KCNG2: variants seen among roughly 807,000 people sequenced by gnomAD.
KCNG2 encodes the protein voltage-gated potassium channel regulatory subunit KCNG2.
Under a neutral mutation model 12.3 loss-of-function variants are expected in KCNG2, and 7 were observed. The observed-to-expected ratio is 0.57, with a 90% CI of 0.32 to 1.07. The LOEUF is 1.07. Among genes scored for constraint, KCNG2 ranks in the 50% least tolerant of loss-of-function variants. The pLI, the probability that KCNG2 is intolerant of heterozygous loss-of-function variation, is 0.04. For missense variants in KCNG2, 703 were observed against 726.0 expected (o/e 0.97, Z 0.36); for synonymous variants, 414 against 351.4 (o/e 1.18, Z -1.99).
chr18:79,873,433 C>CCCCCCCCCCCCCCCCA (rs1979938155), intron 3 of KCNG2, among the ~76,000 whole-genome samples: 1 of 144,728 alleles, frequency 6.9e-6, no homozygotes, highest in Non-Finnish European at 1.5e-5. Flanking sequence ...CCCTCCCCCC[C>CCCCCCCCCCCCCCCCA]CCCCAGCCAC....
intron 1 of KCNG2, among the ~76,000 whole-genome samples, chr18:79,838,320 A>C (rs1048408614): frequency 6.6e-6 from 1 of 152,236 alleles, no homozygotes; most frequent in Non-Finnish European, 1.5e-5. Context: ...TTCTCTGAGC[A>C]TAATGGAATA....
chr18:79,893,821 G>C (rs1215116627), intron 3 of KCNG2, among the ~76,000 whole-genome samples: 1 of 152,174 alleles, frequency 6.6e-6, no homozygotes, highest in Non-Finnish European at 1.5e-5. Flanking sequence ...GTCTGCCTTT[G>C]ATTGGGTTGT....
rs767895493 is a variant in KCNG2 at position 79,899,435 on chromosome 18, G to T, written c.1020G>T (p.Val340=). ...CCATGGCGCTCTTCGCGCCACTGGTGCACCTGGCCGAGCGCGAGCTGGGCG... is the reference window on the plus strand; with the variant it reads ...CCATGGCGCTCTTCGCGCCACTGGTTCACCTGGCCGAGCGCGAGCTGGGCG... ...CVAMALFAPL[V]HLAERELGAR... The change falls in exon 4 of 4, where the codon GTG becomes GTT. Residue 340 remains valine (V), a synonymous_variant. Transcript: ENST00000316249. 1.3e-6 allele frequency: 2 copies of T among 1,594,918 alleles called. No individual in the cohort carries two copies.
chr18:79,846,955 G>A (rs1228793127), intron 1 of KCNG2, among the ~76,000 whole-genome samples: 3 of 150,642 alleles, frequency 2.0e-5, no homozygotes, highest in African/African-American at 7.4e-5. Context: ...TCCTGCAAAC[G>A]AACTCGTTTG....
At chr18:79,866,777 T>TGTGCTG (rs1979587995) in intron 3 of KCNG2, among the ~76,000 whole-genome samples, 3 of 20,298 alleles carry the variant, frequency 1.5e-4, no homozygotes, top group African/African-American at 1.8e-4. Flanking sequence ...GAGAGGTCTG[T>TGTGCTG]ATGCTGAGAG....
intron 1 of KCNG2, among the ~76,000 whole-genome samples, chr18:79,823,075 G>A (rs57649315): frequency 0.035 from 5,253 of 152,176 alleles, 283 homozygotes; most frequent in South Asian, 0.2. Context: ...CAGCCAGGCA[G>A]GCACCTGTGC....
chr18:79,831,625 ACAGAGCCTTCGTCAGGAGCGTGCCCTGC>A (rs1311109285), intron 1 of KCNG2, among the ~76,000 whole-genome samples: 4 of 120,912 alleles, frequency 3.3e-5, no homozygotes, highest in East Asian at 5.1e-4. Context: ...TGCCCTGCGT[ACAGAGCCTTCGTCAGGAGCGTGCCCTGC>A]GGACAGAGCC....
chr18:79,814,610 A>C (rs2087515046), intron 1 of KCNG2, among the ~76,000 whole-genome samples: 1 of 152,180 alleles, frequency 6.6e-6, no homozygotes. Flanking sequence ...CAGGAGTGAC[A>C]CTGCCTGCGT....
intron 1 of KCNG2, among the ~76,000 whole-genome samples, chr18:79,827,560 G>A (rs975457147): frequency 2.6e-5 from 4 of 152,212 alleles, no homozygotes; most frequent in Non-Finnish European, 5.9e-5. Flanking sequence ...AGGAGGGTGT[G>A]GCAGAGGCCC....
rs138926505 is a variant in KCNG2 at position 79,856,465 on chromosome 18, C to A, written c.-41+13C>A. Among the ~76,000 whole-genome samples the A allele has an allele frequency of 1.4e-3, 218 of 152,318 alleles. No individual in the cohort carries two copies. The highest frequency in any genetic ancestry group is 4.9e-3 in the African/African-American group (205 of 41,562). The stretch of plus-strand genomic sequence containing the variant: ...TTCACAGAGCCAGGTAAACCCAGAA[C>A]CTGCCAGAAGGGCAAGAAACCTCAA... On this transcript the variant is annotated intron_variant, in intron 2 of 3. Coordinates refer to ENST00000316249, the MANE Select transcript of KCNG2 (RefSeq NM_012283.2).
chr18:79,806,942 G>A (rs2087454069), intron 1 of KCNG2, among the ~76,000 whole-genome samples: 1 of 152,192 alleles, frequency 6.6e-6, no homozygotes, highest in African/African-American at 2.4e-5. Flanking sequence ...CTTACTCATG[G>A]ATCTAGGGTC....
rs1267661046 is a variant in KCNG2, at chr18:79,886,938, ACG to A, written c.625-12101_625-12100del. 3.5e-3 allele frequency among the ~76,000 whole-genome samples: 22 copies of A among 6,204 alleles called. 4 individuals are homozygous for A. Among genetic ancestry groups the A allele is most frequent in the African/African-American group, 3.2e-3 (17 of 5,252 alleles). 4.1% of individuals were successfully genotyped at this position (6,204 alleles called of 152,430 possible). ...GGGAGATGGGGATGGGAACATAGGG[ACG>A]TGGGGACAGGGACATGGGGACACAA... On this transcript the variant is annotated intron_variant, in intron 3 of 3. Transcript: ENST00000316249.
chr18:79,830,158 G>A (rs1978291605), intron 1 of KCNG2, among the ~76,000 whole-genome samples: 1 of 152,178 alleles, frequency 6.6e-6, no homozygotes, highest in Non-Finnish European at 1.5e-5. Flanking sequence ...GTGGAACCCA[G>A]GTGTGTGGTT....
chr18:79,874,212 T>C (rs1979976567), intron 3 of KCNG2, among the ~76,000 whole-genome samples: 2 of 152,216 alleles, frequency 1.3e-5, no homozygotes, highest in African/African-American at 4.8e-5. Flanking sequence ...AGAAAAGCTG[T>C]ACAGCCACCG....
intron 1 of KCNG2, among the ~76,000 whole-genome samples, chr18:79,846,393 AAAG>A (rs1978630019): frequency 6.6e-6 from 1 of 151,356 alleles, no homozygotes; most frequent in Non-Finnish European, 1.5e-5. Flanking sequence ...AAAAAAAAAA[AAAG>A]AGTGAGACTC....
chr18:79,859,757 T>C lies in KCNG2; in HGVS notation c.-41+3305T>C, dbSNP rs116816496. On this transcript the variant is annotated intron_variant, in intron 2 of 3. Coordinates refer to ENST00000316249, the MANE Select transcript of KCNG2 (RefSeq NM_012283.2). ...TCTCCATTGAATAGTCTTGACGACC[T>C]TGTCAAAAGTGAACTGACGGTAGAT... is the stretch of plus-strand genomic sequence containing the variant. Among the ~76,000 whole-genome samples the C allele has an allele frequency of 2.6e-3, 402 of 152,380 alleles. 3 individuals carry two copies. The highest frequency in any genetic ancestry group is 9.2e-3 in the African/African-American group (384 of 41,586).
intron 1 of KCNG2, among the ~76,000 whole-genome samples, chr18:79,855,380 C>T (rs1175004444): frequency 6.6e-6 from 1 of 152,100 alleles, no homozygotes; most frequent in East Asian, 1.9e-4. Context: ...TCACGGTAGT[C>T]GTGACCATCA....
At chr18:79,825,577 G>T (rs887224573) in intron 1 of KCNG2, among the ~76,000 whole-genome samples, 1 of 152,216 alleles carries the variant, frequency 6.6e-6, no homozygotes, top group South Asian at 2.1e-4. Flanking sequence ...AACCACGGAG[G>T]TTTTACCAAG....
intron 3 of KCNG2, among the ~76,000 whole-genome samples, chr18:79,893,428 C>T (rs984566383): frequency 6.6e-6 from 1 of 150,616 alleles, no homozygotes; most frequent in Non-Finnish European, 1.5e-5. Flanking sequence ...GGGTCTGTGT[C>T]TGCTTTTGAT....
Sources: gnomAD v4.1 joint callset for allele counts (sites outside exome capture counted in the v4.1 genomes callset) on GRCh38, gnomAD v4.1.1 for gene constraint, MANE v1.5 for transcripts, NCBI Gene and HGNC (gene_info 2026-07-23, HGNC 2026-07-21) for gene names.